PCDHGA2: variants seen among roughly 807,000 people sequenced by gnomAD.
PCDHGA2 encodes the protein protocadherin gamma-A2.
Under a neutral mutation model 59.2 loss-of-function variants are expected in PCDHGA2, and 40 were observed. The observed-to-expected ratio is 0.68, with a 90% confidence interval of 0.52 to 0.88. The LOEUF (loss-of-function observed/expected upper bound fraction) is 0.88. PCDHGA2 is among the 40% of genes least tolerant of loss of function. PCDHGA2 has a pLI of 0.00. For synonymous variants in PCDHGA2, 560 were observed against 526.0 expected, an observed-to-expected ratio of 1.06 and a Z score of -0.89; for missense variants, 1,226 against 1,204.0, an observed-to-expected ratio of 1.02 and a Z score of -0.27.
Position 141,384,181 on chromosome 5 carries a change from G to A in PCDHGA2, c.2424+42786G>A, listed in dbSNP as rs765782736. ...CATCACACTGAAAGCCACAGATGGTGGAACTCCTCCCTTGTCCAGGGAAAC... is the reference window on the plus strand; with the variant it reads ...CATCACACTGAAAGCCACAGATGGTAGAACTCCTCCCTTGTCCAGGGAAAC... On this transcript the variant is annotated intron_variant, in intron 1 of 3. Coordinates refer to ENST00000394576, the MANE Select transcript of PCDHGA2 (RefSeq NM_018915.4). 18 of 1,613,702 alleles carry A rather than the reference G, an allele frequency of 1.1e-5. No homozygotes were observed. Among genetic ancestry groups the A allele is most frequent in the Non-Finnish European group, 1.4e-5 (16 of 1,179,868 alleles).
intron 1 of PCDHGA2, chr5:141,355,141 G>C: frequency 6.6e-7 from 1 of 1,526,010 alleles, no homozygotes. Flanking sequence ...AGATCCTGGG[G>C]CTCCTCAGGC....
chr5:141,385,513 A>C (rs1781236036), intron 1 of PCDHGA2: 1 of 1,373,372 alleles, frequency 7.3e-7, no homozygotes, highest in Non-Finnish European at 9.4e-7. Flanking sequence ...CTTTAGTGAA[A>C]GCCTATGGAC....
intron 1 of PCDHGA2, among the ~76,000 whole-genome samples, chr5:141,455,322 G>A (rs376682363): frequency 1.3e-5 from 2 of 152,134 alleles, no homozygotes; most frequent in East Asian, 3.9e-4. Context: ...TTTTGTGTGT[G>A]TGTTTGTGGT....
chr5:141,505,645 G>A (rs997169182), intron 3 of PCDHGA2, 164 bp downstream of exon 3: 2 of 964,274 alleles, frequency 2.1e-6, no homozygotes, highest in African/African-American at 1.8e-5. Flanking sequence ...GCCTGGAATT[G>A]TGGCTAAGGA....
intron 1 of PCDHGA2, among the ~76,000 whole-genome samples, chr5:141,481,161 A>G (rs2099532805): frequency 6.6e-6 from 1 of 152,230 alleles, no homozygotes; most frequent in African/African-American, 2.4e-5. Flanking sequence ...GTATTTGCAG[A>G]ACCAGAATCC....
At chr5:141,461,242 T>G (rs1246270739) in intron 1 of PCDHGA2, among the ~76,000 whole-genome samples, 1 of 152,170 alleles carries the variant, frequency 6.6e-6, no homozygotes, top group Non-Finnish European at 1.5e-5. Context: ...TGTACTAATT[T>G]ATATTCCCAG....
chr5:141,419,616 AC>A, intron 1 of PCDHGA2: 1 of 1,612,204 alleles, frequency 6.2e-7, no homozygotes, highest in Non-Finnish European at 8.5e-7. Flanking sequence ...CAGCCAGGCT[AC>A]CTGGTGACCA....
intron 1 of PCDHGA2, among the ~76,000 whole-genome samples, chr5:141,457,171 T>C (rs1337137368): frequency 3.3e-5 from 5 of 152,216 alleles, no homozygotes; most frequent in Non-Finnish European, 7.3e-5. Flanking sequence ...GATAACCCTA[T>C]TGCAAATAGT....
chr5:141,373,042 T>C (rs1415410484), intron 1 of PCDHGA2, among the ~76,000 whole-genome samples: 6 of 152,218 alleles, frequency 3.9e-5, no homozygotes, highest in African/African-American at 1.4e-4. Context: ...TTCTTAATCC[T>C]AATACACTAT....
intron 2 of PCDHGA2, among the ~76,000 whole-genome samples, chr5:141,500,001 A>G (rs961582279): frequency 6.6e-5 from 10 of 151,914 alleles, no homozygotes; most frequent in African/African-American, 2.4e-4. Context: ...TGATTCTTTC[A>G]TAAGGTCCAC....
intron 1 of PCDHGA2, among the ~76,000 whole-genome samples, chr5:141,426,040 G>C (rs1032424646): frequency 2.0e-5 from 3 of 152,212 alleles, no homozygotes; most frequent in African/African-American, 7.2e-5. Flanking sequence ...GAGCCCTGCT[G>C]TTGGCCAATG....
At chr5:141,462,035 C>T (rs35674654) in intron 1 of PCDHGA2, among the ~76,000 whole-genome samples, 14,886 of 152,176 alleles carry the variant, frequency 0.098, 964 homozygotes, top group Non-Finnish European at 0.14. Context: ...GTTGGTCAGG[C>T]GGGTCTTGAA....
chr5:141,441,836 C>T (rs1026890754), intron 1 of PCDHGA2: 2 of 354,006 alleles, frequency 5.6e-6, no homozygotes, highest in Non-Finnish European at 1.1e-5. Flanking sequence ...AATGGCTTCG[C>T]GCTCTTGGAT....
chr5:141,489,359 AG>A lies in PCDHGA2; in HGVS notation c.2425-5447del. On this transcript the variant is annotated intron_variant, in intron 1 of 3. Coordinates refer to ENST00000394576, the MANE Select transcript of PCDHGA2 (RefSeq NM_018915.4). The surrounding 1 kb of genome is among the most constrained non-coding windows in gnomAD (Gnocchi z 4.5). ...CGTTACTCAGTGGTGGAGGAGTCTG[AG>A]CCGGGGACGCTGGTGGGGAATGTTG... 1 of 1,613,110 alleles carries A rather than the reference AG, an allele frequency of 6.2e-7. No homozygotes were observed. The highest frequency in any genetic ancestry group is 1.1e-5 in the South Asian group (1 of 90,984).
intron 1 of PCDHGA2, chr5:141,366,436 C>G: frequency 1.9e-6 from 3 of 1,614,194 alleles, no homozygotes; most frequent in Non-Finnish European, 2.5e-6. Flanking sequence ...CAGTCTCCTG[C>G]GTCTTCCTGG....
chr5:141,455,660 G>A (rs1485792613), intron 1 of PCDHGA2, among the ~76,000 whole-genome samples: 1 of 152,134 alleles, frequency 6.6e-6, no homozygotes, highest in Non-Finnish European at 1.5e-5. Flanking sequence ...CCAGGAACTT[G>A]TGGGGCAAGG....
intron 1 of PCDHGA2, chr5:141,343,224 T>C: frequency 1.2e-6 from 1 of 852,238 alleles, no homozygotes; most frequent in South Asian, 5.4e-5. Flanking sequence ...GTTTAATGAA[T>C]ATTAAATAAC....
chr5:141,404,499 C>T lies in PCDHGA2; in HGVS notation c.2424+63104C>T, dbSNP rs147632103. ...AACTCAGACACTGGTGTGCTGTATG[C>T]TCTGTGCTCCTTTGACTATGAGCAG... On this transcript the variant is annotated intron_variant, in intron 1 of 3. Coordinates refer to ENST00000394576, the MANE Select transcript of PCDHGA2 (RefSeq NM_018915.4). 1.0e-4 allele frequency: 163 copies of T among 1,613,840 alleles called. 1 individual carries two copies. The East Asian group carries it at 3.6e-3, about 36-fold the overall frequency.
At position 141,459,173 on chromosome 5, in the gene PCDHGA2, AG is replaced by A. The variant is rs370401072; in HGVS notation, c.2425-35633del. Among the ~76,000 whole-genome samples the A allele has an allele frequency of 3.1e-3, 479 of 152,326 alleles. 10 individuals carry two copies. In the South Asian group the frequency reaches 0.063, roughly 20 times the overall value. ...ATAGAACATTTCTATAACCTTCAAA[AG>A]TTCCCTCATGCCCCTTTGCAATCAA... On this transcript the variant is annotated intron_variant, in intron 1 of 3. Coordinates refer to ENST00000394576, the MANE Select transcript of PCDHGA2 (RefSeq NM_018915.4).
Sources: allele counts gnomAD v4.1 joint callset (sites outside exome capture counted in the v4.1 genomes callset), GRCh38; gene constraint gnomAD v4.1.1; non-coding constraint Gnocchi (gnomAD v3.1); transcripts MANE v1.5; gene names NCBI Gene and HGNC (gene_info 2026-07-23, HGNC 2026-07-21).